The following TAF4B variants were observed in gnomAD, a reference collection of about 807,000 sequenced individuals.
TAF4B encodes TATA-box binding protein associated factor 4b.
Under a neutral mutation model 86.4 loss-of-function variants are expected in TAF4B, and 38 were observed. The observed-to-expected ratio is 0.44, with a 90% CI of 0.34 to 0.58. TAF4B has a LOEUF of 0.58. Among genes scored for constraint, TAF4B ranks in the 20% least tolerant of loss-of-function variants. The pLI, the probability that TAF4B is intolerant of heterozygous loss-of-function variation, is 0.02. For synonymous variants in TAF4B, 388 were observed against 391.2 expected (o/e 0.99, Z 0.10); for missense variants, 988 against 1,027.6 (o/e 0.96, Z 0.53).
At chr18:26,309,596 A>G (rs558227267) in intron 9 of TAF4B, among the ~76,000 whole-genome samples, 1 of 152,222 alleles carries the variant, frequency 6.6e-6, no homozygotes, top group East Asian at 1.9e-4. Flanking sequence ...ATCTATTTTT[A>G]AATTTTGATA....
At chr18:26,239,725 A>G (rs551165107) in intron 1 of TAF4B, among the ~76,000 whole-genome samples, 43 of 152,314 alleles carry the variant, frequency 2.8e-4, no homozygotes, top group Middle Eastern at 3.4e-3. Flanking sequence ...TTTTAGGTCT[A>G]ACATTTAAGT....
rs1285820501 is a variant in TAF4B, at chr18:26,327,019, G to A, written c.2138G>A (p.Ser713Asn). 1.9e-6 allele frequency: 3 copies of A among 1,611,718 alleles called. No individual in the cohort carries two copies. The highest frequency in any genetic ancestry group is 1.3e-5 in the African/African-American group (1 of 74,818). The stretch of plus-strand genomic sequence containing the variant: ...CTGTTTTCTTTTTTTTCCCAGGCAA[G>A]TGAAAATTACATCCTGTGTAGTGAT... The part of the protein sequence containing the change: ...AQHRMTTYKA[S>N]ENYILCSDTR... The change falls in exon 12 of 15, where the codon AGT (serine) becomes AAT (asparagine). Residue 713 changes from serine to asparagine, a missense_variant. Physicochemically the swap from Ser to Asn is conservative, Grantham distance 46. Transcript: ENST00000269142.
rs114965264 is a variant in TAF4B at position 26,345,824 on chromosome 18, C to T, written c.2316+10593C>T. Among the ~76,000 whole-genome samples, 1,151 of 152,164 alleles carry T rather than the reference C, an allele frequency of 7.6e-3. 12 individuals carry two copies. Among genetic ancestry groups the T allele is most frequent in the African/African-American group, 0.026 (1,094 of 41,490 alleles). ...CACAATAATTTTCCAATAACAGAGG[C>T]TAATCATAAGGAAGTACATAAAATG... On this transcript the variant is annotated intron_variant, in intron 13 of 14. Transcript: ENST00000269142.
intron 1 of TAF4B, among the ~76,000 whole-genome samples, chr18:26,245,085 C>T (rs1451970157): frequency 6.6e-6 from 1 of 152,124 alleles, no homozygotes; most frequent in Non-Finnish European, 1.5e-5. Context: ...AGCCCTTTCC[C>T]AGAAAGCCTG....
chr18:26,357,777 C>G lies in TAF4B; in HGVS notation c.2404C>G (p.Leu802Val). 6.2e-7 allele frequency: 1 copy of G among 1,609,154 alleles called. No individual in the cohort carries two copies. The highest frequency in any genetic ancestry group is 1.1e-5 in the South Asian group (1 of 90,386). The part of the protein sequence containing the change: ...AAIGPRKKRP[L>V]ESGIEGLKDN... Reference sequence around the variant, plus strand: ...TATTGGACCAAGGAAGAAGAGACCACTAGAATCTGGAATTGAGGTATTGAA... The same window carrying G: ...TATTGGACCAAGGAAGAAGAGACCAGTAGAATCTGGAATTGAGGTATTGAA... The change falls in exon 14 of 15, where the codon CTA (leucine) becomes GTA (valine). Residue 802 changes from leucine (L) to valine (V), a missense_variant. Coordinates refer to ENST00000269142, the MANE Select transcript of TAF4B (RefSeq NM_005640.3).
chr18:26,339,866 C>G (rs1365513927), intron 13 of TAF4B, among the ~76,000 whole-genome samples: 1 of 152,162 alleles, frequency 6.6e-6, no homozygotes, highest in African/African-American at 2.4e-5. Flanking sequence ...TCCTTATTTC[C>G]TTTTGAATTT....
chr18:26,250,003 A>G (rs905247567), intron 1 of TAF4B, among the ~76,000 whole-genome samples: 2 of 152,102 alleles, frequency 1.3e-5, no homozygotes, highest in Non-Finnish European at 2.9e-5. Flanking sequence ...AATTACAGGC[A>G]TGAGCCACTG....
At position 26,267,510 on chromosome 18, in the gene TAF4B, G is replaced by A. The variant is rs1278558128; in HGVS notation, c.490-6G>A. 10 of 1,609,908 alleles carry A rather than the reference G, an allele frequency of 6.2e-6. No homozygotes were observed. Among genetic ancestry groups the A allele is most frequent in the Admixed American group, 1.7e-5 (1 of 59,994 alleles). ...TTGTGTTATCTTGCTCCCCTCCACC[G>A]CCAAGAACTCTAGCTCACAATTAAT... On this transcript the variant is annotated splice_region_variant and splice_polypyrimidine_tract_variant and intron_variant, in intron 2 of 14. Transcript: ENST00000269142.
At chr18:26,374,708 T>C (rs1011331897) in intron 14 of TAF4B, among the ~76,000 whole-genome samples, 9 of 152,202 alleles carry the variant, frequency 5.9e-5, no homozygotes, top group African/African-American at 2.2e-4. Flanking sequence ...TTTCAATTAA[T>C]GTTATCCACA....
chr18:26,364,565 TAGAA>T (rs1233354639), intron 14 of TAF4B, among the ~76,000 whole-genome samples: 5 of 152,192 alleles, frequency 3.3e-5, no homozygotes, highest in Admixed American at 2.0e-4. Flanking sequence ...ATCCTTGGAT[TAGAA>T]AGATTCTCTT....
chr18:26,357,618 A>G (rs2057297726), intron 13 of TAF4B, 72 bp from the exon 14 acceptor site: 1 of 1,003,694 alleles, frequency 1.0e-6, no homozygotes, highest in Admixed American at 2.3e-5. Context: ...AATTAGGCTT[A>G]GTAATCAGTT....
At chr18:26,255,997 A>G in intron 1 of TAF4B, 1 of 1,310,748 alleles carries the variant, frequency 7.6e-7, no homozygotes, top group Non-Finnish European at 1.1e-6. Context: ...TACTGTGAGC[A>G]TCAGAATTAC....
At chr18:26,373,787 C>G (rs898717292) in intron 14 of TAF4B, among the ~76,000 whole-genome samples, 1 of 152,028 alleles carries the variant, frequency 6.6e-6, no homozygotes, top group Non-Finnish European at 1.5e-5. Context: ...ATTCATTCCT[C>G]CCTCCCTCCC....
chr18:26,321,289 G>T lies in TAF4B; in HGVS notation c.2133+89G>T, dbSNP rs1046152476. On this transcript the variant is annotated intron_variant, in intron 11 of 14. Transcript: ENST00000269142. ...TTGATATTCTAAACACGTTTTTAAA[G>T]GAATGGTTGAGGCTTATATTTCATA... The T allele has an allele frequency of 2.2e-6, 3 of 1,391,006 alleles. No individual in the cohort carries two copies. The South Asian group carries it at 3.9e-5, about 18-fold the overall frequency. The allele number at this position is 1,391,006 out of a possible 1,614,324, so 86.2% of individuals were successfully genotyped here. A position where few individuals can be genotyped will look rare whatever the true frequency, so the allele number is the denominator to read the frequency against.
intron 9 of TAF4B, among the ~76,000 whole-genome samples, chr18:26,295,492 A>T (rs1216365134): frequency 1.3e-5 from 2 of 152,180 alleles, no homozygotes; most frequent in Non-Finnish European, 2.9e-5. Context: ...TGTGCAGTTC[A>T]CAGTAGGGTT....
chr18:26,384,171 G>A (rs1223819288), intron 14 of TAF4B, among the ~76,000 whole-genome samples: 1 of 152,166 alleles, frequency 6.6e-6, no homozygotes, highest in African/African-American at 2.4e-5. Context: ...GGTGGCATGA[G>A]GTTGGGACTT....
intron 7 of TAF4B, among the ~76,000 whole-genome samples, chr18:26,288,486 T>C (rs1401025572): frequency 6.6e-6 from 1 of 151,968 alleles, no homozygotes; most frequent in Non-Finnish European, 1.5e-5. Context: ...AATACAAAAA[T>C]TAGCCAGGTG....
intron 14 of TAF4B, among the ~76,000 whole-genome samples, chr18:26,387,968 A>T (rs1375403893): frequency 1.3e-5 from 2 of 152,056 alleles, no homozygotes; most frequent in Non-Finnish European, 2.9e-5. Flanking sequence ...ACCTTAAGAG[A>T]TTTCCTTCCC....
chr18:26,343,360 G>T (rs1598813228), intron 13 of TAF4B, among the ~76,000 whole-genome samples: 1 of 152,204 alleles, frequency 6.6e-6, no homozygotes, highest in African/African-American at 2.4e-5. Flanking sequence ...CTATACATTT[G>T]CCATATGTGG....
Sources: gnomAD v4.1 joint callset for allele counts (sites outside exome capture counted in the v4.1 genomes callset) on GRCh38, gnomAD v4.1.1 for gene constraint, MANE v1.5 for transcripts, NCBI Gene and HGNC (gene_info 2026-07-23, HGNC 2026-07-21) for gene names.